Variants in GALNT15 observed in about 807,000 individuals in gnomAD.
The protein encoded by GALNT15 is polypeptide N-acetylgalactosaminyltransferase 15, also known as UDP-GalNAc transferase T15.
Under a neutral mutation model 66.8 loss-of-function variants are expected in GALNT15, and 67 were observed. The ratio of observed to expected loss-of-function variants is 1.00; its 90% CI spans 0.82 to 1.23. The LOEUF (loss-of-function observed/expected upper bound fraction) is 1.23, where lower values mean the gene tolerates loss of function less well. Ranked by LOEUF, GALNT15 falls within the 50% of genes most tolerant of loss-of-function variation. The pLI is 0.00. For synonymous variants in GALNT15, 313 were observed against 311.5 expected (o/e 1.00, Z -0.05); for missense variants, 827 against 804.3 (o/e 1.03, Z -0.34).
At chr3:16,244,047 C>T in the GALNT15 span, 1 of 978,692 alleles carries the variant, frequency 1.0e-6, no homozygotes, top group Non-Finnish European at 1.2e-6. Context: ...GAGTGGCAGG[C>T]ACCCATGGTA....
At chr3:16,242,101 C>G in the GALNT15 span, among the ~76,000 whole-genome samples, 1 of 152,238 alleles carries the variant, frequency 6.6e-6, no homozygotes, top group Non-Finnish European at 1.5e-5. This position sits in a 1 kb window ranked among gnomAD's most constrained non-coding sequence, Gnocchi z 5.6. Context: ...CAGAGACCAA[C>G]AGGATTTCTG....
intron 1 of GALNT15, among the ~76,000 whole-genome samples, chr3:16,177,387 A>G (rs1279480835): frequency 6.6e-6 from 1 of 152,168 alleles, no homozygotes; most frequent in African/African-American, 2.4e-5. Flanking sequence ...TGTGGTGAAT[A>G]TGCATATTTG....
downstream of GALNT15, among the ~76,000 whole-genome samples, chr3:16,235,741 C>T (rs2064121977): frequency 2.0e-5 from 3 of 152,060 alleles, no homozygotes; most frequent in South Asian, 6.2e-4. Flanking sequence ...AATCAAGGAA[C>T]AGGGATAAGT....
chr3:16,228,647 A>G lies in GALNT15; in HGVS notation c.*1147A>G. 1.0e-6 allele frequency: 1 copy of G among 985,560 alleles called. No individual in the cohort carries two copies. Among genetic ancestry groups the G allele is most frequent in the Non-Finnish European group, 1.2e-6 (1 of 830,120 alleles). 61.1% of individuals were successfully genotyped at this position (985,560 alleles called of 1,614,324 possible). A position where few individuals can be genotyped will look rare whatever the true frequency, so the allele number is the denominator to read the frequency against. On this transcript the variant is annotated 3_prime_UTR_variant, in exon 10 of 10. Transcript: ENST00000339732. ...CAGAGTGAGACTCCATCTCAAAAAA[A>G]AAAAAAAAGAGAGAAACTCTCCTGA...
chr3:16,239,082 C>T, the GALNT15 span, among the ~76,000 whole-genome samples: 4 of 152,118 alleles, frequency 2.6e-5, 1 homozygote, highest in South Asian at 6.2e-4. This position sits in a 1 kb window ranked among gnomAD's most constrained non-coding sequence, Gnocchi z 5.2. Flanking sequence ...CATCCTGGCC[C>T]CAGAATCCCA....
chr3:16,237,451 C>T, the GALNT15 span, among the ~76,000 whole-genome samples: 1 of 152,232 alleles, frequency 6.6e-6, no homozygotes, highest in East Asian at 1.9e-4. This position sits in a 1 kb window ranked among gnomAD's most constrained non-coding sequence, Gnocchi z 4.2. Flanking sequence ...CCTCACCCTC[C>T]TCACACTCAT....
rs1328590781 is a variant in GALNT15 at position 16,225,649 on chromosome 3, C to T, written c.1774-1705C>T. ...GGCAGAGGTTGCACTGAGCTGAGAT[C>T]GTGCCACTGTACTCCAGCCTGGGTG... On this transcript the variant is annotated intron_variant, in intron 9 of 9. Transcript: ENST00000339732. This position sits in a 1 kb window ranked among gnomAD's most constrained non-coding sequence, Gnocchi z 4.4. 2.0e-5 allele frequency among the ~76,000 whole-genome samples: 3 copies of T among 151,960 alleles called. No homozygotes were observed. The highest frequency in any genetic ancestry group is 1.9e-4 in the East Asian group (1 of 5,194).
chr3:16,196,723 G>A (rs2063642883), intron 2 of GALNT15, among the ~76,000 whole-genome samples: 1 of 152,208 alleles, frequency 6.6e-6, no homozygotes, highest in South Asian at 2.1e-4. Flanking sequence ...TGATGCTGCT[G>A]TTTTCTGTGG....
chr3:16,232,469 A>AT (rs1553689249), downstream of GALNT15, among the ~76,000 whole-genome samples: 170 of 38,662 alleles, frequency 4.4e-3, 2 homozygotes, highest in Non-Finnish European at 6.2e-3. Context: ...TAAATAAATA[A>AT]ATATATATAT....
At position 16,195,287 on chromosome 3, in the gene GALNT15, C is replaced by G. The variant is rs2063620053; in HGVS notation, c.540-473C>G. Among the ~76,000 whole-genome samples, 1 of 152,168 alleles carries G rather than the reference C, an allele frequency of 6.6e-6. No homozygotes were observed. Among genetic ancestry groups the G allele is most frequent in the African/African-American group, 2.4e-5 (1 of 41,442 alleles). The stretch of plus-strand genomic sequence containing the variant: ...TTCTCAAAGTGTGGTCCACAGAAAA[C>G]AGCAGCATCGGCATCACCTGGGAGC... On this transcript the variant is annotated intron_variant, in intron 1 of 9. Transcript: ENST00000339732. This position sits in a 1 kb window ranked among gnomAD's most constrained non-coding sequence, Gnocchi z 4.6.
chr3:16,227,453 C>T lies in GALNT15; in HGVS notation c.1873C>T (p.Arg625Cys), dbSNP rs766721889. The change falls in exon 10 of 10, where the codon CGC becomes TGC. Residue 625 changes from arginine to cysteine, a missense_variant. Physicochemically the swap from Arg to Cys is radical, Grantham distance 180. Coordinates refer to ENST00000339732, the MANE Select transcript of GALNT15 (RefSeq NM_054110.5). This position sits in a 1 kb window ranked among gnomAD's most constrained non-coding sequence, Gnocchi z 4.5. ...LYLRPCDGKA[R>C]QQWRFDQINA... is the part of the protein sequence containing the mutation. ...CCTGCGTCCGTGTGATGGAAAAGCC[C>T]GCCAGCAGTGGCGTTTTGACCAGAT... The T allele has an allele frequency of 5.3e-5, 85 of 1,614,028 alleles. No homozygotes were observed. The highest frequency in any genetic ancestry group is 2.5e-4 in the South Asian group (23 of 91,062).
chr3:16,212,455 T>C, intron 5 of GALNT15, 114 bp from the exon 6 acceptor site: 1 of 923,018 alleles, frequency 1.1e-6, no homozygotes, highest in East Asian at 2.6e-5. Flanking sequence ...TCTTCACCAT[T>C]GAGTGCTCAC....
At chr3:16,243,616 A>T in the GALNT15 span, among the ~76,000 whole-genome samples, 1 of 152,364 alleles carries the variant, frequency 6.6e-6, no homozygotes, top group East Asian at 1.9e-4. Flanking sequence ...TCAGTAGGAC[A>T]GTGTCCAAAG....
chr3:16,242,556 G>A, the GALNT15 span, among the ~76,000 whole-genome samples: 1 of 151,870 alleles, frequency 6.6e-6, no homozygotes, highest in Non-Finnish European at 1.5e-5. The surrounding 1 kb of genome is among the most constrained non-coding windows in gnomAD (Gnocchi z 5.6). Context: ...CCAGGAATTC[G>A]AGACCAGCTT....
chr3:16,202,797 G>T (rs759879537), intron 3 of GALNT15, among the ~76,000 whole-genome samples: 2 of 152,178 alleles, frequency 1.3e-5, no homozygotes, highest in Non-Finnish European at 2.9e-5. Context: ...ACAGACAGGT[G>T]GCTCTCAGAG....
downstream of GALNT15, among the ~76,000 whole-genome samples, chr3:16,230,703 T>C (rs1380484279): frequency 6.6e-6 from 1 of 152,160 alleles, no homozygotes; most frequent in Non-Finnish European, 1.5e-5. This position sits in a 1 kb window ranked among gnomAD's most constrained non-coding sequence, Gnocchi z 4.5. Flanking sequence ...GCACACTATT[T>C]ATGTTGTTCT....
At chr3:16,221,776 T>C (rs1207907094) in intron 8 of GALNT15, among the ~76,000 whole-genome samples, 3 of 152,220 alleles carry the variant, frequency 2.0e-5, no homozygotes, top group African/African-American at 7.2e-5. Flanking sequence ...CAAGCTTGCA[T>C]CTAATATGGG....
In GALNT15 at chr3:16,180,533, G is replaced by A. The variant is rs561508979; in HGVS notation, c.539+4843G>A. ...TATTGCTTGTTAAAAAGACGTAGAT[G>A]TTCAGACCCCCTCACTGGCAATGCT... is the stretch of plus-strand genomic sequence containing the variant. On this transcript the variant is annotated intron_variant, in intron 1 of 9. Coordinates refer to ENST00000339732, the MANE Select transcript of GALNT15 (RefSeq NM_054110.5). The surrounding 1 kb of genome is among the most constrained non-coding windows in gnomAD (Gnocchi z 5.0). Among the ~76,000 whole-genome samples, 2 of 152,200 alleles carry A rather than the reference G, an allele frequency of 1.3e-5. No individual in the cohort carries two copies. Among genetic ancestry groups the A allele is most frequent in the Admixed American group, 1.3e-4 (2 of 15,282 alleles).
At chr3:16,215,916 A>AAACAAAAAAAAAAAAAAAAAAAAAAAAAC (rs1019009823) in intron 6 of GALNT15, among the ~76,000 whole-genome samples, 1 of 143,450 alleles carries the variant, frequency 7.0e-6, no homozygotes, top group South Asian at 2.5e-4. Flanking sequence ...CAAAAAAAAA[A>AAACAAAAAAAAAAAAAAAAAAAAAAAAAC]AAAAAAAAAG....
Sources: allele counts gnomAD v4.1 joint callset (sites outside exome capture counted in the v4.1 genomes callset), GRCh38; gene constraint gnomAD v4.1.1; non-coding constraint Gnocchi (gnomAD v3.1); transcripts MANE v1.5; gene names NCBI Gene and HGNC (gene_info 2026-07-23, HGNC 2026-07-21).